The following CAMTA1 variants were observed in gnomAD, a reference collection of about 807,000 sequenced individuals.
The protein encoded by CAMTA1 is calmodulin binding transcription activator 1.
In CAMTA1, 27 loss-of-function variants were observed where a neutral mutation model predicts 170.9. The observed-to-expected ratio is 0.16, with a 90% CI of 0.12 to 0.22. The LOEUF (loss-of-function observed/expected upper bound fraction) is 0.22, where lower values mean the gene tolerates loss of function less well. Ranked by LOEUF, CAMTA1 falls within the 10% of genes least tolerant of loss-of-function variation. CAMTA1 has a pLI of 1.00. For synonymous variants in CAMTA1, 833 were observed against 891.5 expected (o/e 0.93, Z 1.17); for missense variants, 1,619 against 2,217.2 (o/e 0.73, Z 5.42).
intron 5 of CAMTA1, among the ~76,000 whole-genome samples, chr1:7,346,253 G>A (rs1325522745): frequency 6.6e-6 from 1 of 152,130 alleles, no homozygotes; most frequent in South Asian, 2.1e-4. Flanking sequence ...CTGCCTTGCT[G>A]TGTGACCTTG....
chr1:7,751,482 T>C (rs527789294), intron 20 of CAMTA1, 90 bp downstream of exon 20: 2 of 1,194,158 alleles, frequency 1.7e-6, no homozygotes, highest in Admixed American at 5.4e-5. Context: ...GACATTGGAG[T>C]CTGGGGTGGG....
chr1:7,591,525 T>G (rs2095355140), intron 6 of CAMTA1, among the ~76,000 whole-genome samples: 2 of 152,214 alleles, frequency 1.3e-5, no homozygotes, highest in African/African-American at 4.8e-5. Flanking sequence ...CAGGAATAAT[T>G]AAAACTTCTA....
chr1:7,309,520 C>T (rs958602798), intron 5 of CAMTA1, among the ~76,000 whole-genome samples: 4 of 151,468 alleles, frequency 2.6e-5, no homozygotes, highest in African/African-American at 7.3e-5. Context: ...GGGATGGTCT[C>T]GATCTCCTGA....
At chr1:7,449,072 G>C (rs1038410665) in intron 5 of CAMTA1, among the ~76,000 whole-genome samples, 2 of 152,234 alleles carry the variant, frequency 1.3e-5, no homozygotes, top group African/African-American at 4.8e-5. Flanking sequence ...GGCAGCTGCT[G>C]GGGGCCACTG....
At chr1:7,383,862 A>C (rs1044277352) in intron 5 of CAMTA1, among the ~76,000 whole-genome samples, 1 of 152,182 alleles carries the variant, frequency 6.6e-6, no homozygotes, top group East Asian at 1.9e-4. Flanking sequence ...AGGATTCTTG[A>C]GTCCCCACCA....
At position 7,682,203 on chromosome 1, in the gene CAMTA1, G is replaced by A. The variant is rs2096213947; in HGVS notation, c.2914+4470G>A. Among the ~76,000 whole-genome samples the A allele has an allele frequency of 6.6e-6, 1 of 152,222 alleles. No homozygotes were observed. The highest frequency in any genetic ancestry group is 1.5e-5 in the Non-Finnish European group (1 of 68,046). ...GACCCTGTCATCTCAGGCAGAGCGG[G>A]GAGCATGGACTAAAAGCTCAAACTT... On this transcript the variant is annotated intron_variant, in intron 11 of 22. Coordinates refer to ENST00000303635, the MANE Select transcript of CAMTA1 (RefSeq NM_015215.4). This position sits in a 1 kb window ranked among gnomAD's most constrained non-coding sequence, Gnocchi z 5.0.
intron 4 of CAMTA1, among the ~76,000 whole-genome samples, chr1:7,179,599 G>T (rs187454357): frequency 1.4e-3 from 213 of 152,170 alleles, no homozygotes; most frequent in Non-Finnish European, 2.0e-3. Flanking sequence ...TTAACAAAAA[G>T]ATGAAAATAC....
At chr1:7,704,957 G>GCGGCCGGC (rs1180883893) in intron 11 of CAMTA1, among the ~76,000 whole-genome samples, 3 of 140,122 alleles carry the variant, frequency 2.1e-5, no homozygotes, top group Non-Finnish European at 4.7e-5. Context: ...GCGGCCGGCG[G>GCGGCCGGC]GGGCGCGCGC....
rs1286915800 is a variant in CAMTA1, at chr1:7,611,379, C to A, written c.511-29021C>A. Among the ~76,000 whole-genome samples, 9 of 152,338 alleles carry A rather than the reference C, an allele frequency of 5.9e-5. No individual in the cohort carries two copies. In the South Asian group the frequency reaches 1.2e-3, roughly 21 times the overall value. ...TTTTGTGGCCAAGACAAGTGCCTCC[C>A]TTGCCTTCCCTGCACAGCCTAGGCC... On this transcript the variant is annotated intron_variant, in intron 6 of 22. Coordinates refer to ENST00000303635, the MANE Select transcript of CAMTA1 (RefSeq NM_015215.4).
intron 5 of CAMTA1, among the ~76,000 whole-genome samples, chr1:7,404,245 T>G (rs2090128557): frequency 6.6e-6 from 1 of 152,220 alleles, no homozygotes; most frequent in Non-Finnish European, 1.5e-5. Context: ...TTTCTGAACC[T>G]CTTTCTGGGG....
rs1277730036 is a variant in CAMTA1, at chr1:7,479,871, A to G, written c.510+11970A>G. Among the ~76,000 whole-genome samples, 4 of 152,176 alleles carry G rather than the reference A, an allele frequency of 2.6e-5. No individual in the cohort carries two copies. In the South Asian group the frequency reaches 8.3e-4, roughly 32 times the overall value. On this transcript the variant is annotated intron_variant, in intron 6 of 22. Transcript: ENST00000303635. ...GCTCCTGTGGGTTCAGCTTCCCTTCAGCTCAGTGTTCTGCACCCCTAGAAG... is the reference window on the plus strand; with the variant it reads ...GCTCCTGTGGGTTCAGCTTCCCTTCGGCTCAGTGTTCTGCACCCCTAGAAG...
chr1:7,257,968 T>C (rs1018497620), intron 5 of CAMTA1, among the ~76,000 whole-genome samples: 6 of 152,166 alleles, frequency 3.9e-5, no homozygotes, highest in African/African-American at 1.4e-4. Flanking sequence ...TGGCCATTGC[T>C]GAGGAGAAGA....
chr1:6,933,261 A>G (rs980391608), intron 3 of CAMTA1, among the ~76,000 whole-genome samples: 3 of 151,596 alleles, frequency 2.0e-5, no homozygotes, highest in Admixed American at 1.3e-4. Context: ...AGTCACAAAT[A>G]TTTTCTCCTG....
intron 3 of CAMTA1, among the ~76,000 whole-genome samples, chr1:6,890,576 T>TG (rs201498118): frequency 0.013 from 1,936 of 150,398 alleles, 25 homozygotes; most frequent in Non-Finnish European, 0.019. Flanking sequence ...TTCTTTTTTT[T>TG]TTTTTGTTGA....
At chr1:7,350,654 G>A (rs909923132) in intron 5 of CAMTA1, among the ~76,000 whole-genome samples, 4 of 152,102 alleles carry the variant, frequency 2.6e-5, no homozygotes, top group Non-Finnish European at 5.9e-5. Flanking sequence ...TGTCTGCCAG[G>A]ACTTCTAACT....
rs142832353 is a variant in CAMTA1, at chr1:7,585,519, CA to C, written c.511-54880del. The stretch of plus-strand genomic sequence containing the variant: ...ACGAGGCTACAGAGGTGACCAGGAC[CA>C]GATGGGTCCAGCCCATGGGCATTGT... On this transcript the variant is annotated intron_variant, in intron 6 of 22. Transcript: ENST00000303635. The surrounding 1 kb of genome is among the most constrained non-coding windows in gnomAD (Gnocchi z 4.8). 0.012 allele frequency among the ~76,000 whole-genome samples: 1,847 copies of C among 152,246 alleles called. 47 individuals carry two copies. Among genetic ancestry groups the C allele is most frequent in the African/African-American group, 0.042 (1,758 of 41,526 alleles).
At chr1:7,530,591 G>A (rs1195590809) in intron 6 of CAMTA1, among the ~76,000 whole-genome samples, 1 of 152,088 alleles carries the variant, frequency 6.6e-6, no homozygotes, top group Non-Finnish European at 1.5e-5. Flanking sequence ...GCCCGAGGCT[G>A]CACAGCAGCT....
At chr1:7,647,284 G>GC (rs1470992450) in intron 7 of CAMTA1, among the ~76,000 whole-genome samples, 5 of 151,836 alleles carry the variant, frequency 3.3e-5, no homozygotes, top group African/African-American at 4.8e-5. Context: ...CAGAAGGGGG[G>GC]GGGGCTGTGT....
intron 3 of CAMTA1, among the ~76,000 whole-genome samples, chr1:7,039,582 C>T (rs1017280174): frequency 2.6e-5 from 4 of 152,054 alleles, no homozygotes; most frequent in African/African-American, 9.7e-5. Context: ...GTATGTGGGG[C>T]GATTTATCTC....
Sources: allele counts gnomAD v4.1 joint callset (sites outside exome capture counted in the v4.1 genomes callset), GRCh38; gene constraint gnomAD v4.1.1; non-coding constraint Gnocchi (gnomAD v3.1); transcripts MANE v1.5; gene names NCBI Gene and HGNC (gene_info 2026-07-23, HGNC 2026-07-21).